ZNF462: variants seen among roughly 807,000 people sequenced by gnomAD.
The protein encoded by ZNF462 is zinc finger protein 462.
A neutral mutation model predicts 201.9 loss-of-function variants in ZNF462; 10 were observed. The ratio of observed to expected loss-of-function variants is 0.05; its 90% CI spans 0.03 to 0.08. The LOEUF (loss-of-function observed/expected upper bound fraction) is 0.08. Ranked by LOEUF, ZNF462 falls within the 10% of genes least tolerant of loss-of-function variation. The probability of loss-of-function intolerance (pLI) is 1.00; values close to 1 mark genes in which losing one functional copy is unlikely to be tolerated. For synonymous variants in ZNF462, 1,227 were observed against 1,193.3 expected (o/e 1.03, Z -0.58); for missense variants, 2,523 against 3,168.3 (o/e 0.80, Z 4.89).
intron 10 of ZNF462, among the ~76,000 whole-genome samples, chr9:106,988,603 CA>C (rs1564155464): frequency 6.6e-6 from 1 of 152,104 alleles, no homozygotes; most frequent in Non-Finnish European, 1.5e-5. Context: ...ATGCAGATTG[CA>C]TTAAATTTGT....
chr9:106,915,454 T>C (rs1829732895), intron 1 of ZNF462, among the ~76,000 whole-genome samples: 1 of 152,160 alleles, frequency 6.6e-6, no homozygotes, highest in Non-Finnish European at 1.5e-5. Context: ...TAAAAGTAGA[T>C]TGGGGATTGC....
intron 7 of ZNF462, among the ~76,000 whole-genome samples, chr9:106,957,962 A>G (rs1389108547): frequency 2.0e-5 from 3 of 152,122 alleles, no homozygotes; most frequent in African/African-American, 4.8e-5. Flanking sequence ...TCCTTCCCAT[A>G]GGTAGAGCCA....
intron 1 of ZNF462, among the ~76,000 whole-genome samples, chr9:106,900,203 C>CATGTGTGT (rs1415869838): frequency 7.4e-6 from 1 of 134,652 alleles, no homozygotes; most frequent in African/African-American, 2.8e-5. Flanking sequence ...AGTATTCCAT[C>CATGTGTGT]GTGTGTGTGT....
chr9:106,974,048 A>G lies in ZNF462; in HGVS notation c.6696-89A>G, dbSNP rs927834869. On this transcript the variant is annotated intron_variant, in intron 8 of 12. Transcript: ENST00000277225. This position sits in a 1 kb window ranked among gnomAD's most constrained non-coding sequence, Gnocchi z 4.0. ...CCACAAGCAGGAGAGCCGCACTTGG[A>G]CATATATAACGGGTTTGCCAGCAGG... 1.9e-5 allele frequency: 29 copies of G among 1,541,010 alleles called. No individual in the cohort carries two copies. In the African/African-American group the frequency reaches 2.1e-4, roughly 11 times the overall value.
intron 7 of ZNF462, among the ~76,000 whole-genome samples, chr9:106,942,490 A>G (rs548834179): frequency 1.8e-4 from 27 of 152,326 alleles, no homozygotes; most frequent in Admixed American, 5.2e-4. Flanking sequence ...AAGAAAAGCA[A>G]CGGCTCTATG....
In ZNF462 at chr9:106,938,767, T is replaced by G. The variant is rs915192100; in HGVS notation, c.6236-149T>G. 8.8e-4 allele frequency: 622 copies of G among 703,186 alleles called. No homozygotes were observed. The highest frequency in any genetic ancestry group is 2.2e-3 in the East Asian group (78 of 35,978). The allele number at this position is 703,186 out of a possible 1,614,324, so 43.6% of individuals were successfully genotyped here. A position where few individuals can be genotyped will look rare whatever the true frequency, so the allele number is the denominator to read the frequency against. Reference sequence around the variant, plus strand: ...AAAGGAGTACTGTGGTTGTGGCAGGTTGTTGGTCTGTGAGGTTCGTTCATA... The same window carrying G: ...AAAGGAGTACTGTGGTTGTGGCAGGGTGTTGGTCTGTGAGGTTCGTTCATA... On this transcript the variant is annotated intron_variant, in intron 6 of 12. Transcript: ENST00000277225. This position sits in a 1 kb window ranked among gnomAD's most constrained non-coding sequence, Gnocchi z 4.4.
chr9:107,011,068 A>C lies in ZNF462; in HGVS notation c.*38A>C. On this transcript the variant is annotated 3_prime_UTR_variant, in exon 13 of 13. Transcript: ENST00000277225. This position sits in a 1 kb window ranked among gnomAD's most constrained non-coding sequence, Gnocchi z 5.6. Reference sequence around the variant, plus strand: ...ATTCTTAATCAAACCTTACTTGAACAGTGATGAAAAAGTGGGAGGGCTGGC... The same window carrying C: ...ATTCTTAATCAAACCTTACTTGAACCGTGATGAAAAAGTGGGAGGGCTGGC... The C allele has an allele frequency of 6.2e-7, 1 of 1,602,692 alleles. No homozygotes were observed. The highest frequency in any genetic ancestry group is 8.5e-7 in the Non-Finnish European group (1 of 1,174,842).
At chr9:106,863,037 G>T (rs1421606062), upstream of ZNF462, 2 of 396,860 alleles carry the variant, frequency 5.0e-6, no homozygotes, top group Non-Finnish European at 8.9e-6. Context: ...GAGAGAGCGC[G>T]CGAGGGAGAG....
chr9:106,956,286 G>A (rs1026274665), intron 7 of ZNF462, among the ~76,000 whole-genome samples: 1 of 152,060 alleles, frequency 6.6e-6, no homozygotes, highest in Admixed American at 6.6e-5. Flanking sequence ...ATCTTCATCA[G>A]AGCTCTAGGG....
chr9:106,918,028 A>C (rs1453211474), intron 1 of ZNF462, among the ~76,000 whole-genome samples: 2 of 151,870 alleles, frequency 1.3e-5, no homozygotes, highest in Non-Finnish European at 2.9e-5. Flanking sequence ...GGTGCCCACC[A>C]CCACACCCGG....
At chr9:106,994,341 T>G (rs533043854) in intron 10 of ZNF462, among the ~76,000 whole-genome samples, 1 of 152,268 alleles carries the variant, frequency 6.6e-6, no homozygotes, top group African/African-American at 2.4e-5. Context: ...CTGAGTTTTT[T>G]GGACTAGTGA....
rs1830079020 is a variant in ZNF462, at chr9:106,923,775, TC to T, written c.220+174del. Among the ~76,000 whole-genome samples the T allele has an allele frequency of 6.6e-6, 1 of 152,236 alleles. No individual in the cohort carries two copies. The highest frequency in any genetic ancestry group is 1.5e-5 in the Non-Finnish European group (1 of 68,040). ...CTCTCCTTGAGTACCTTAGGTTTTA[TC>T]CTTTCGAAAGCTTCCTCATATATCC... On this transcript the variant is annotated intron_variant, in intron 2 of 12. Transcript: ENST00000277225. The surrounding 1 kb of genome is among the most constrained non-coding windows in gnomAD (Gnocchi z 5.6).
In ZNF462 at chr9:106,902,386, G is replaced by A. The variant is rs1282748434; in HGVS notation, c.-30-20968G>A. On this transcript the variant is annotated intron_variant, in intron 1 of 12. Coordinates refer to ENST00000277225, the MANE Select transcript of ZNF462 (RefSeq NM_021224.6). The surrounding 1 kb of genome is among the most constrained non-coding windows in gnomAD (Gnocchi z 4.2). ...GGATATTGGTCTGTAGTTTTCTTCT[G>A]TGGTTATGTCGTTTCCTGGTTTTGG... Among the ~76,000 whole-genome samples, 1 of 152,006 alleles carries A rather than the reference G, an allele frequency of 6.6e-6. No individual in the cohort carries two copies. Among genetic ancestry groups the A allele is most frequent in the Non-Finnish European group, 1.5e-5 (1 of 67,960 alleles).
rs750955795 is a variant in ZNF462, at chr9:106,993,536, C to T, written c.7056+9127C>T. Among the ~76,000 whole-genome samples, 5 of 151,812 alleles carry T rather than the reference C, an allele frequency of 3.3e-5. No individual in the cohort carries two copies. Among genetic ancestry groups the T allele is most frequent in the Non-Finnish European group, 7.4e-5 (5 of 67,936 alleles). On this transcript the variant is annotated intron_variant, in intron 10 of 12. Transcript: ENST00000277225. The surrounding 1 kb of genome is among the most constrained non-coding windows in gnomAD (Gnocchi z 4.0). ...GTTATTTGAAATTTTATTTTTTTAT[C>T]CTGTGACTCCCTGTCTGTTTTTAAT...
chr9:106,986,852 A>G (rs1412090859), intron 10 of ZNF462, among the ~76,000 whole-genome samples: 1 of 152,130 alleles, frequency 6.6e-6, no homozygotes. Flanking sequence ...CATATCAGTG[A>G]GAACATACCA....
In ZNF462 at chr9:106,942,214, C is replaced by G. The variant is rs539970436; in HGVS notation, c.6427+3107C>G. 5.3e-5 allele frequency among the ~76,000 whole-genome samples: 8 copies of G among 152,252 alleles called. No homozygotes were observed. In the South Asian group the frequency reaches 1.0e-3, roughly 20 times the overall value. On this transcript the variant is annotated intron_variant, in intron 7 of 12. Coordinates refer to ENST00000277225, the MANE Select transcript of ZNF462 (RefSeq NM_021224.6). ...TTATTTGCAGTGGTCAAATGCTTGC[C>G]GTCTTGAGAGTGAGCCAGTCTTCTC...
At chr9:106,864,042 CTCTCTCTCTCTCTCTCTCT>C (rs1827182940) in intron 1 of ZNF462, among the ~76,000 whole-genome samples, 3 of 19,004 alleles carry the variant, frequency 1.6e-4, no homozygotes, top group Admixed American at 1.2e-3. Context: ...GTATTTGGCT[CTCTCTCTCTCTCTCTCTCT>C]CTCTCTCTCT....
chr9:106,989,554 G>A (rs1828107544), intron 10 of ZNF462, among the ~76,000 whole-genome samples: 5 of 152,020 alleles, frequency 3.3e-5, no homozygotes, highest in African/African-American at 1.2e-4. Flanking sequence ...TGGCTTCCCA[G>A]AATGAATTAG....
intron 7 of ZNF462, among the ~76,000 whole-genome samples, chr9:106,943,770 A>G (rs1291631911): frequency 6.6e-6 from 1 of 152,148 alleles, no homozygotes; most frequent in African/African-American, 2.4e-5. Context: ...GACCAGTGGT[A>G]TCTTGGAGGC....
Sources: gnomAD v4.1 joint callset for allele counts (sites outside exome capture counted in the v4.1 genomes callset) on GRCh38, gnomAD v4.1.1 for gene constraint, Gnocchi (gnomAD v3.1) non-coding constraint, MANE v1.5 for transcripts, NCBI Gene and HGNC (gene_info 2026-07-23, HGNC 2026-07-21) for gene names.